The following IRF3 variants were observed in gnomAD, a reference collection of about 807,000 sequenced individuals.
IRF3 encodes interferon regulatory factor 3.
In IRF3, 29 loss-of-function variants were observed where a neutral mutation model predicts 43.2. The observed-to-expected ratio is 0.67, with a 90% confidence interval of 0.50 to 0.91. IRF3 has a LOEUF of 0.91. IRF3 is among the 40% of genes least tolerant of loss of function. The probability of loss-of-function intolerance (pLI) is 0.00; values close to 1 mark genes in which losing one functional copy is unlikely to be tolerated. For missense variants in IRF3, 505 were observed against 559.1 expected (o/e 0.90, Z 0.98); for synonymous variants, 228 against 233.9 (o/e 0.97, Z 0.23).
rs777172946 is a variant in IRF3, at chr19:49,660,676, A to G, written c.1098+37T>C. On this transcript the variant is annotated intron_variant, in intron 7 of 7. Coordinates refer to ENST00000377139, the MANE Select transcript of IRF3 (RefSeq NM_001571.6). ...AGCAACCTCTTCCCTCTGTAAGGCC[A>G]CCCCTTTCAGCCCCAGGGACTCAGG... The G allele has an allele frequency of 3.3e-6, 5 of 1,522,386 alleles. No homozygotes were observed. The South Asian group carries it at 6.3e-5, about 19-fold the overall frequency. 94.3% of individuals were successfully genotyped at this position (1,522,386 alleles called of 1,614,324 possible). A position where few individuals can be genotyped will look rare whatever the true frequency, so the allele number is the denominator to read the frequency against.
intron 5 of IRF3, 26 bp from the exon 6 acceptor site, chr19:49,662,354 A>G: frequency 1.2e-6 from 2 of 1,609,670 alleles, no homozygotes; most frequent in East Asian, 4.5e-5. Context: ...AGCGGCATGA[A>G]GGGGAGAGGG....
At chr19:49,664,289 T>C (rs2081520093) in intron 2 of IRF3, among the ~76,000 whole-genome samples, 1 of 151,856 alleles carries the variant, frequency 6.6e-6, no homozygotes, top group Admixed American at 6.6e-5. Flanking sequence ...ACCTCTGGCA[T>C]ATACTAATTC....
rs772194735 is a variant in IRF3, at chr19:49,662,225, G to A, written c.705C>T (p.Asp235=). ...TGACTGGCCATCCAGGCAGCGTCCTGTCTCCCACTTCGGACCCCACCAGCC... is the reference window on the plus strand; with the variant it reads ...TGACTGGCCATCCAGGCAGCGTCCTATCTCCCACTTCGGACCCCACCAGCC... ...GLRLVGSEVG[D]RTLPGWPVTL... is the part of the protein sequence containing the mutation. The change falls in exon 6 of 8, where the codon GAC becomes GAT. Residue 235 remains aspartate (D), a synonymous_variant. Transcript: ENST00000377139. The A allele has an allele frequency of 3.7e-6, 6 of 1,614,026 alleles. No homozygotes were observed. In the East Asian group the frequency reaches 1.1e-4, roughly 30 times the overall value.
chr19:49,661,118 G>C (rs1447200051), intron 6 of IRF3: 3 of 421,082 alleles, frequency 7.1e-6, no homozygotes, highest in Non-Finnish European at 1.3e-5. Context: ...GGAGAAGCTG[G>C]TTGGCATTCA....
chr19:49,663,699 CTTTT>C, intron 2 of IRF3, 185 bp from the exon 3 acceptor site: 1 of 598,406 alleles, frequency 1.7e-6, no homozygotes, highest in Non-Finnish European at 2.9e-6. Context: ...TTTCAAAAGG[CTTTT>C]TTTCTTTTTG....
chr19:49,662,665 T>A, intron 4 of IRF3, 48 bp from the exon 5 acceptor site: 1 of 1,436,448 alleles, frequency 7.0e-7, no homozygotes, highest in Non-Finnish European at 9.4e-7. Context: ...TATCCTTTTC[T>A]GGAGACTTCA....
chr19:49,665,524 T>C (rs1599890398), intron 1 of IRF3, 107 bp downstream of exon 1: 1 of 310,154 alleles, frequency 3.2e-6, no homozygotes, highest in Non-Finnish European at 6.1e-6. Context: ...TGCTCCACTT[T>C]CCCCAGAGTA....
intron 6 of IRF3, 79 bp downstream of exon 6, chr19:49,661,869 G>A (rs912320694): frequency 5.2e-5 from 79 of 1,507,092 alleles, no homozygotes; most frequent in Middle Eastern, 2.1e-4. Flanking sequence ...GTGAGCCACC[G>A]TGCCCGGCCA....
rs1445438225 is a variant in IRF3, at chr19:49,664,781, G to C, written c.58C>G (p.Gln20Glu). The C allele has an allele frequency of 6.2e-7, 1 of 1,613,944 alleles. No individual in the cohort carries two copies. The highest frequency in any genetic ancestry group is 1.1e-5 in the South Asian group (1 of 91,084). The change falls in exon 2 of 8, where the codon CAA (glutamine) becomes GAA (glutamate). Residue 20 changes from glutamine to glutamate, a missense_variant. Coordinates refer to ENST00000377139, the MANE Select transcript of IRF3 (RefSeq NM_001571.6). ...PWLVSQLDLG[Q>E]LEGVAWVNKS... ...TTCACCCAGGCCACGCCCTCCAGTT[G>C]CCCCAGGTCCAGCTGCGACACCAGC...
Position 49,664,604 on chromosome 19 carries a change from G to C in IRF3, c.165+70C>G, listed in dbSNP as rs759623689. ...CGCGCCACCTCCGCCTTCTCAGCCGGGCCCACTAGGAGTCCTTTCCGCCCA... is the reference window on the plus strand; with the variant it reads ...CGCGCCACCTCCGCCTTCTCAGCCGCGCCCACTAGGAGTCCTTTCCGCCCA... On this transcript the variant is annotated intron_variant, in intron 2 of 7. Coordinates refer to ENST00000377139, the MANE Select transcript of IRF3 (RefSeq NM_001571.6). 4 of 1,611,430 alleles carry C rather than the reference G, an allele frequency of 2.5e-6. No individual in the cohort carries two copies. In the African/African-American group the frequency reaches 5.3e-5, roughly 22 times the overall value.
At chr19:49,662,715 G>T in intron 4 of IRF3, 98 bp from the exon 5 acceptor site, 1 of 1,019,280 alleles carries the variant, frequency 9.8e-7, no homozygotes, top group Non-Finnish European at 1.4e-6. Flanking sequence ...GGGAGGTCAG[G>T]CTTGAGCTCT....
At chr19:49,665,569 T>C (rs2081669941) in intron 1 of IRF3, 62 bp downstream of exon 1, 1 of 502,480 alleles carries the variant, frequency 2.0e-6, no homozygotes, top group Admixed American at 3.3e-5. Flanking sequence ...TGCAGACCCA[T>C]CCTCTTTCCC....
chr19:49,659,988 C>CACACACACACATAT lies in IRF3; in HGVS notation c.1099-156_1099-155insATATGTGTGTGTGT, dbSNP rs1555753002. On this transcript the variant is annotated intron_variant, in intron 7 of 7. Coordinates refer to ENST00000377139, the MANE Select transcript of IRF3 (RefSeq NM_001571.6). ...GGCTGCTGGGAGTTGTAGTTTTACACACACACACACACACACACACACACA... is the reference window on the plus strand; with the variant it reads ...GGCTGCTGGGAGTTGTAGTTTTACACACACACACACATATACACACACACACACACACACACACA... Among the ~76,000 whole-genome samples the CACACACACACATAT allele has an allele frequency of 3.1e-4, 22 of 69,944 alleles. 1 individual carries two copies. In the South Asian group the frequency reaches 4.0e-3, roughly 13 times the overall value. The allele number at this position is 69,944 out of a possible 152,430, so 45.9% of individuals were successfully genotyped here.
chr19:49,663,862 AT>A (rs2081484005), intron 2 of IRF3: 2 of 270,214 alleles, frequency 7.4e-6, no homozygotes, highest in East Asian at 2.1e-4. Context: ...CACCTGGCTA[AT>A]TTTTGTATTT....
chr19:49,660,093 A>ATACACACACACATACACACAC (rs2081250663), intron 7 of IRF3, among the ~76,000 whole-genome samples: 3 of 130,586 alleles, frequency 2.3e-5, no homozygotes, highest in African/African-American at 6.8e-5. Flanking sequence ...CACACACACA[A>ATACACACACACATACACACAC]ACACACACAC....
chr19:49,660,922 A>AC (rs1389731657), intron 6 of IRF3, 94 bp from the exon 7 acceptor site: 1 of 1,414,674 alleles, frequency 7.1e-7, no homozygotes, highest in African/African-American at 1.4e-5. Context: ...ACCTCCCCTG[A>AC]CCTAAGGCCC....
chr19:49,660,025 A>ACACACACACACACACACACCCACC lies in IRF3; in HGVS notation c.1099-193_1099-192insGGTGGGTGTGTGTGTGTGTGTGTG, dbSNP rs1568451939. Reference sequence around the variant, plus strand: ...CACACACACACACACACACACACACACACCCCCTGCTGTAACTGAACCATA... The same window carrying ACACACACACACACACACACCCACC: ...CACACACACACACACACACACACACACACACACACACACACACACCCACCCACCCCCTGCTGTAACTGAACCATA... On this transcript the variant is annotated intron_variant, in intron 7 of 7. Coordinates refer to ENST00000377139, the MANE Select transcript of IRF3 (RefSeq NM_001571.6). Among the ~76,000 whole-genome samples the ACACACACACACACACACACCCACC allele has an allele frequency of 9.1e-5, 10 of 110,244 alleles. 1 individual carries two copies. Among genetic ancestry groups the ACACACACACACACACACACCCACC allele is most frequent in the African/African-American group, 4.7e-4 (10 of 21,156 alleles). The allele number at this position is 110,244 out of a possible 152,430, so 72.3% of individuals were successfully genotyped here.
At position 49,663,484 on chromosome 19, in the gene IRF3, G is replaced by A. The variant is rs780438084; in HGVS notation, c.196C>T (p.Pro66Ser). ...GGCAGGTCTGGCTTATCCCTCCCGG[G>A]AACATATGCACCAGTGGCCTCGGCC... ...AWAEATGAYV[P>S]GRDKPDLPTW... The change falls in exon 3 of 8, where the codon CCC becomes TCC. Residue 66 changes from proline (P) to serine (S), a missense_variant. Pro to Ser is a moderately conservative substitution (Grantham distance 74). Transcript: ENST00000377139. 3.7e-6 allele frequency: 6 copies of A among 1,614,056 alleles called. No individual in the cohort carries two copies. In the East Asian group the frequency reaches 6.7e-5, roughly 18 times the overall value.
intron 1 of IRF3, 81 bp downstream of exon 1, chr19:49,665,550 C>T (rs1168932240): frequency 4.9e-6 from 2 of 411,722 alleles, no homozygotes; most frequent in Admixed American, 3.8e-5. Flanking sequence ...CCTGCCTTTC[C>T]ACTCTCCGTG....
Sources: gnomAD v4.1 joint callset for allele counts (sites outside exome capture counted in the v4.1 genomes callset) on GRCh38, gnomAD v4.1.1 for gene constraint, MANE v1.5 for transcripts, NCBI Gene and HGNC (gene_info 2026-07-23, HGNC 2026-07-21) for gene names.